Variants in KIAA1549 observed in about 807,000 individuals in gnomAD.
The protein encoded by KIAA1549 is UPF0606 protein KIAA1549.
Under a neutral mutation model 156.4 loss-of-function variants are expected in KIAA1549, and 70 were observed. The observed-to-expected ratio is 0.45, with a 90% CI of 0.37 to 0.55. KIAA1549 has a LOEUF of 0.55. Ranked by LOEUF, KIAA1549 falls within the 20% of genes least tolerant of loss-of-function variation. The probability of loss-of-function intolerance (pLI) is 0.00; values close to 1 mark genes in which losing one functional copy is unlikely to be tolerated. For synonymous variants in KIAA1549, 1,103 were observed against 1,066.4 expected, an observed-to-expected ratio of 1.03 and a Z score of -0.67; for missense variants, 2,428 against 2,540.9, an observed-to-expected ratio of 0.96 and a Z score of 0.96.
rs1584756464 is a variant in KIAA1549 at position 138,918,788 on chromosome 7, T to G, written c.838A>C (p.Thr280Pro). The change falls in exon 2 of 20, where the codon ACC becomes CCC. Residue 280 changes from threonine (T) to proline (P), a missense_variant. Physicochemically the swap from Thr to Pro is conservative, Grantham distance 38. Coordinates refer to ENST00000422774, the MANE Select transcript of KIAA1549 (RefSeq NM_001164665.2). This position sits in a 1 kb window ranked among gnomAD's most constrained non-coding sequence, Gnocchi z 4.2. ...AAAGACCGGGAGCTTAAAAAAAGGG[T>G]GGTTTCCACACCCTCTGTTAGGGAA... ...VASLTEGVET[T>P]LFLSSRSLMP... is the part of the protein sequence containing the mutation. The G allele has an allele frequency of 6.2e-7, 1 of 1,613,730 alleles. No homozygotes were observed. Among genetic ancestry groups the G allele is most frequent in the Admixed American group, 1.7e-5 (1 of 60,014 alleles).
chr7:138,858,122 G>A (rs1321356949), intron 16 of KIAA1549, among the ~76,000 whole-genome samples: 1 of 151,688 alleles, frequency 6.6e-6, no homozygotes, highest in Non-Finnish European at 1.5e-5. Flanking sequence ...TTCCTTGTCT[G>A]CCTTCTTTTT....
chr7:138,886,050 G>C (rs1245291952), intron 10 of KIAA1549, among the ~76,000 whole-genome samples: 1 of 152,102 alleles, frequency 6.6e-6, no homozygotes, highest in Non-Finnish European at 1.5e-5. Context: ...GAAGTCTCCT[G>C]TGTTGACTGT....
At chr7:138,930,978 T>C (rs559531778) in intron 1 of KIAA1549, among the ~76,000 whole-genome samples, 6 of 152,288 alleles carry the variant, frequency 3.9e-5, no homozygotes, top group African/African-American at 9.6e-5. Context: ...CTTGAGCACT[T>C]AGAGGCCACT....
intron 1 of KIAA1549, among the ~76,000 whole-genome samples, chr7:138,921,208 T>C (rs1428842068): frequency 2.0e-5 from 3 of 152,188 alleles, no homozygotes; most frequent in African/African-American, 4.8e-5. Context: ...TATCCACTTT[T>C]CAGAAGACAG....
At chr7:138,867,895 C>A in intron 15 of KIAA1549, 80 bp downstream of exon 15, 1 of 1,479,874 alleles carries the variant, frequency 6.8e-7, no homozygotes, top group Non-Finnish European at 9.3e-7. Context: ...GCCAGTGCTG[C>A]TGCTTCTCCT....
chr7:138,953,280 C>T (rs1394562375), intron 1 of KIAA1549, among the ~76,000 whole-genome samples: 1 of 152,066 alleles, frequency 6.6e-6, no homozygotes, highest in African/African-American at 2.4e-5. Context: ...CACTTAAACC[C>T]GGGAGGTGGA....
At chr7:138,973,643 A>G (rs1351252955) in intron 1 of KIAA1549, among the ~76,000 whole-genome samples, 1 of 152,032 alleles carries the variant, frequency 6.6e-6, no homozygotes, top group Non-Finnish European at 1.5e-5. Context: ...CAAGTACAAC[A>G]TTTAACAAGC....
chr7:138,929,659 A>T (rs1399257975), intron 1 of KIAA1549, among the ~76,000 whole-genome samples: 1 of 152,134 alleles, frequency 6.6e-6, no homozygotes, highest in Non-Finnish European at 1.5e-5. Context: ...GCAGCTATAT[A>T]GCCTTATGAA....
intron 8 of KIAA1549, 159 bp from the exon 9 acceptor site, chr7:138,899,291 T>C (rs1484584888): frequency 1.5e-6 from 1 of 677,750 alleles, no homozygotes; most frequent in Non-Finnish European, 2.6e-6. Context: ...TGGTGCTCTC[T>C]GTTGATGGGA....
At position 138,852,192 on chromosome 7, in the gene KIAA1549, G is replaced by A; in HGVS notation, c.5294+31C>T. ...TTTTAAAAACAGCCTATGTGAGAAA[G>A]TGATAATACATTTTGTTTTGAAAAC... On this transcript the variant is annotated intron_variant, in intron 17 of 19. Coordinates refer to ENST00000422774, the MANE Select transcript of KIAA1549 (RefSeq NM_001164665.2). 4 of 1,549,856 alleles carry A rather than the reference G, an allele frequency of 2.6e-6. No homozygotes were observed. In the South Asian group the frequency reaches 3.4e-5, roughly 13 times the overall value.
intron 10 of KIAA1549, among the ~76,000 whole-genome samples, chr7:138,884,534 T>C (rs1811337072): frequency 1.3e-5 from 2 of 152,182 alleles, no homozygotes; most frequent in Non-Finnish European, 2.9e-5. Flanking sequence ...GGTAATAAGA[T>C]ACCAAATTAT....
intron 12 of KIAA1549, among the ~76,000 whole-genome samples, chr7:138,872,442 T>C (rs1417458891): frequency 6.6e-6 from 1 of 152,152 alleles, no homozygotes; most frequent in Non-Finnish European, 1.5e-5. Flanking sequence ...GACTGAATCT[T>C]CACATGATGG....
intron 16 of KIAA1549, 115 bp from the exon 17 acceptor site, chr7:138,852,384 C>T: frequency 1.4e-6 from 1 of 731,350 alleles, no homozygotes; most frequent in Middle Eastern, 3.7e-4. Flanking sequence ...ATTATTTTCT[C>T]ATTAAAACTT....
At chr7:138,965,709 T>C (rs1814002804) in intron 1 of KIAA1549, among the ~76,000 whole-genome samples, 1 of 152,248 alleles carries the variant, frequency 6.6e-6, no homozygotes, top group Non-Finnish European at 1.5e-5. Flanking sequence ...TGTATGCGCC[T>C]GTACATGTGA....
chr7:138,867,839 T>C, intron 15 of KIAA1549, 136 bp downstream of exon 15: 2 of 923,712 alleles, frequency 2.2e-6, no homozygotes, highest in Non-Finnish European at 3.2e-6. Context: ...AGGGCCCTGG[T>C]GCATCAGCCA....
In KIAA1549 at chr7:138,845,646, C is replaced by T. The variant is rs78045957; in HGVS notation, c.5295-1172G>A. 3.2e-4 allele frequency among the ~76,000 whole-genome samples: 49 copies of T among 152,258 alleles called. No individual in the cohort carries two copies. The East Asian group carries it at 9.1e-3, about 28-fold the overall frequency. ...AACATAGTTCACTGAGTTATGCAAC[C>T]TTCTCGATATTGTTACCTCTCATTT... On this transcript the variant is annotated intron_variant, in intron 17 of 19. Coordinates refer to ENST00000422774, the MANE Select transcript of KIAA1549 (RefSeq NM_001164665.2).
chr7:138,955,706 T>C (rs904989072), intron 1 of KIAA1549, among the ~76,000 whole-genome samples: 1 of 152,238 alleles, frequency 6.6e-6, no homozygotes, highest in Non-Finnish European at 1.5e-5. Context: ...GGAAGATGCA[T>C]ATCAAACTGT....
intron 1 of KIAA1549, among the ~76,000 whole-genome samples, chr7:138,925,829 CAAAAAAAAAAAAAAAAA>C (rs59066216): frequency 6.7e-5 from 3 of 44,600 alleles, no homozygotes; most frequent in African/African-American, 1.4e-4. Flanking sequence ...GATCCTGTCT[CAAAAAAAAAAAAAAAAA>C]AAAAAAAAAA....
In KIAA1549 at chr7:138,837,592, C is replaced by A. The variant is rs1212753477; in HGVS notation, c.*314G>T. 3.8e-6 allele frequency: 2 copies of A among 519,750 alleles called. No individual in the cohort carries two copies. The highest frequency in any genetic ancestry group is 3.8e-5 in the African/African-American group (2 of 52,806). The allele number at this position is 519,750 out of a possible 1,614,324, so 32.2% of individuals were successfully genotyped here. A position where few individuals can be genotyped will look rare whatever the true frequency, so the allele number is the denominator to read the frequency against. On this transcript the variant is annotated 3_prime_UTR_variant, in exon 20 of 20. Coordinates refer to ENST00000422774, the MANE Select transcript of KIAA1549 (RefSeq NM_001164665.2). Reference sequence around the variant, plus strand: ...TGCTGTCTATACAGTTTAATCTCTACCTTTAAAAAAGAGACGAATGCAGTC... The same window carrying A: ...TGCTGTCTATACAGTTTAATCTCTAACTTTAAAAAAGAGACGAATGCAGTC...
Sources: gnomAD v4.1 joint callset for allele counts (sites outside exome capture counted in the v4.1 genomes callset) on GRCh38, gnomAD v4.1.1 for gene constraint, Gnocchi (gnomAD v3.1) non-coding constraint, MANE v1.5 for transcripts, NCBI Gene and HGNC (gene_info 2026-07-23, HGNC 2026-07-21) for gene names.